The following EPRS1 variants were observed in gnomAD, a reference collection of about 807,000 sequenced individuals.
The protein encoded by EPRS1 is bifunctional glutamate/proline--tRNA ligase.
A neutral mutation model predicts 188.3 loss-of-function variants in EPRS1; 107 were observed. The ratio of observed to expected loss-of-function variants is 0.57; its 90% CI spans 0.49 to 0.67. EPRS1 has a LOEUF of 0.67. Among genes scored for constraint, EPRS1 ranks in the 30% least tolerant of loss-of-function variants. The pLI is 0.00. For missense variants in EPRS1, 1,577 were observed against 1,802.2 expected (o/e 0.88, Z 2.26); for synonymous variants, 596 against 593.1 (o/e 1.00, Z -0.07).
At chr1:220,014,124 T>C (rs573068859) in intron 12 of EPRS1, among the ~76,000 whole-genome samples, 11 of 152,248 alleles carry the variant, frequency 7.2e-5, no homozygotes, top group African/African-American at 2.6e-4. Flanking sequence ...GGTCAGGAGT[T>C]CGGGACCAGC....
chr1:220,006,895 A>G (rs571548373), intron 14 of EPRS1, among the ~76,000 whole-genome samples: 1 of 152,328 alleles, frequency 6.6e-6, no homozygotes, highest in Non-Finnish European at 1.5e-5. Flanking sequence ...AAAGATCCCC[A>G]TGTCATGCAA....
chr1:220,033,750 C>T, intron 3 of EPRS1, 92 bp from the exon 4 acceptor site: 1 of 826,020 alleles, frequency 1.2e-6, no homozygotes, highest in East Asian at 2.5e-5. Flanking sequence ...ACTAGAGCAA[C>T]AGTACACTCT....
intron 23 of EPRS1, among the ~76,000 whole-genome samples, chr1:219,982,319 G>A (rs1166795331): frequency 2.0e-5 from 3 of 152,076 alleles, no homozygotes; most frequent in Admixed American, 6.5e-5. Flanking sequence ...AACTTTCCCT[G>A]CCTTCCTCAC....
chr1:219,984,932 C>T (rs550477980), intron 20 of EPRS1, among the ~76,000 whole-genome samples: 2 of 151,538 alleles, frequency 1.3e-5, no homozygotes, highest in African/African-American at 2.4e-5. Flanking sequence ...CCCAGCTACT[C>T]GGGAGGCTGA....
In EPRS1 at chr1:219,984,251, A is replaced by C. The variant is rs757107251; in HGVS notation, c.3045T>G (p.Gly1015=). Residue 1015 remains glycine (G), a synonymous_variant, in exon 21 of 32, where the codon GGT becomes GGG. Transcript: ENST00000366923. ...GQGPKKQTRL[G]LEAKKEENLA... ...GATTTTCTTCTTTTTTTGCCTCAAG[A>C]CCCAACCTGCAGATGTGAAAAGTAA... The C allele has an allele frequency of 1.9e-6, 3 of 1,612,158 alleles. No homozygotes were observed. Among genetic ancestry groups the C allele is most frequent in the Non-Finnish European group, 2.5e-6 (3 of 1,178,434 alleles).
intron 1 of EPRS1, among the ~76,000 whole-genome samples, chr1:220,045,312 C>A (rs1336131730): frequency 6.6e-6 from 1 of 152,152 alleles, no homozygotes; most frequent in East Asian, 1.9e-4. Flanking sequence ...GCCTGGGCAA[C>A]ACAGTGAAAC....
chr1:220,041,155 A>G (rs551406576), intron 1 of EPRS1, among the ~76,000 whole-genome samples: 1 of 151,494 alleles, frequency 6.6e-6, no homozygotes, highest in African/African-American at 2.4e-5. Flanking sequence ...ACATAGTGAG[A>G]CCCCGTCTCT....
At chr1:220,024,785 C>T (rs3767657) in intron 7 of EPRS1, among the ~76,000 whole-genome samples, 17,399 of 152,128 alleles carry the variant, frequency 0.11, 1,302 homozygotes, top group Admixed American at 0.24. Context: ...AGATAAGAGG[C>T]TAGGAAACCT....
chr1:220,023,638 T>C lies in EPRS1; in HGVS notation c.943+626A>G, dbSNP rs80004830. On this transcript the variant is annotated intron_variant, in intron 8 of 31. Coordinates refer to ENST00000366923, the MANE Select transcript of EPRS1 (RefSeq NM_004446.3). The stretch of plus-strand genomic sequence containing the variant: ...GTGACAACATTATCATCAAACATTG[T>C]ATTATAGAAAGGCTAAGTATTTAAA... 5.3e-3 allele frequency among the ~76,000 whole-genome samples: 813 copies of C among 152,336 alleles called. 7 individuals carry two copies. Among genetic ancestry groups the C allele is most frequent in the African/African-American group, 0.019 (789 of 41,572 alleles).
At chr1:220,017,614 C>T (rs1661746198) in intron 12 of EPRS1, among the ~76,000 whole-genome samples, 2 of 152,142 alleles carry the variant, frequency 1.3e-5, no homozygotes, top group Admixed American at 1.3e-4. Flanking sequence ...GGCAAGACAT[C>T]AGCACCATCA....
rs1434479644 is a variant in EPRS1, at chr1:220,012,990, GA to G, written c.1495-1935del. 4.6e-5 allele frequency among the ~76,000 whole-genome samples: 7 copies of G among 152,220 alleles called. No homozygotes were observed. In the South Asian group the frequency reaches 8.3e-4, roughly 18 times the overall value. ...GAAGTCTCTACATACTTTATTAGCT[GA>G]GAACAGATGCAAGGGGTTGAGATGA... On this transcript the variant is annotated intron_variant, in intron 12 of 31. Coordinates refer to ENST00000366923, the MANE Select transcript of EPRS1 (RefSeq NM_004446.3).
intron 9 of EPRS1, 28 bp from the exon 10 acceptor site, chr1:220,020,249 A>G: frequency 7.1e-7 from 1 of 1,411,766 alleles, no homozygotes; most frequent in East Asian, 2.3e-5. Context: ...AAAATAAACA[A>G]AACATTTTAC....
At chr1:220,027,835 T>G (rs148988120) in intron 6 of EPRS1, among the ~76,000 whole-genome samples, 79 of 151,234 alleles carry the variant, frequency 5.2e-4, no homozygotes, top group Non-Finnish European at 9.3e-4. Flanking sequence ...ATACAAAAAA[T>G]TAATTAATTA....
intron 2 of EPRS1, among the ~76,000 whole-genome samples, chr1:220,035,823 T>A (rs949902356): frequency 4.0e-5 from 6 of 151,738 alleles, no homozygotes; most frequent in African/African-American, 9.7e-5. Context: ...TCAAAAAAAA[T>A]AAATAAATAA....
chr1:220,029,143 C>T (rs1025187879), intron 6 of EPRS1, among the ~76,000 whole-genome samples: 1 of 152,118 alleles, frequency 6.6e-6, no homozygotes, highest in Admixed American at 6.6e-5. Flanking sequence ...ATCAAGGTCA[C>T]TATCCAACAG....
chr1:219,972,178 A>T, intron 29 of EPRS1, 31 bp from the exon 30 acceptor site: 1 of 1,346,332 alleles, frequency 7.4e-7, no homozygotes, highest in Non-Finnish European at 1.0e-6. Flanking sequence ...ACAATACATA[A>T]TTGTTCTCAC....
intron 19 of EPRS1, among the ~76,000 whole-genome samples, chr1:219,987,844 C>T (rs929006010): frequency 4.6e-5 from 7 of 152,136 alleles, no homozygotes; most frequent in Non-Finnish European, 8.8e-5. Flanking sequence ...TAAAAATTCA[C>T]TTCCTCAGTC....
rs377765372 is a variant in EPRS1, at chr1:219,990,139, C to A, written c.2542-1316G>T. Among the ~76,000 whole-genome samples, 110 of 141,576 alleles carry A rather than the reference C, an allele frequency of 7.8e-4. 2 individuals carry two copies. The South Asian group carries it at 0.015, about 19-fold the overall frequency. 92.9% of individuals were successfully genotyped at this position (141,576 alleles called of 152,430 possible). A position where few individuals can be genotyped will look rare whatever the true frequency, so the allele number is the denominator to read the frequency against. ...TTCACACGGAAAAAAAAAAAAAAAA[C>A]CCCGTTCGCCAAGATTATAATTTGA... On this transcript the variant is annotated intron_variant, in intron 18 of 31. Transcript: ENST00000366923.
intron 1 of EPRS1, among the ~76,000 whole-genome samples, chr1:220,044,950 C>A (rs555135646): frequency 2.0e-5 from 3 of 152,236 alleles, no homozygotes; most frequent in Non-Finnish European, 4.4e-5. Flanking sequence ...GGAATCAAAC[C>A]CATTCCTTTT....
Sources: gnomAD v4.1 joint callset for allele counts (sites outside exome capture counted in the v4.1 genomes callset) on GRCh38, gnomAD v4.1.1 for gene constraint, MANE v1.5 for transcripts, NCBI Gene and HGNC (gene_info 2026-07-23, HGNC 2026-07-21) for gene names.